Variants in ATP10A observed in about 807,000 individuals in gnomAD.
ATP10A encodes the protein ATPase phospholipid transporting 10A (putative).
A neutral mutation model predicts 147.8 loss-of-function variants in ATP10A; 111 were observed. That is an observed-to-expected ratio of 0.75 (90% confidence interval 0.64 to 0.88). The LOEUF (loss-of-function observed/expected upper bound fraction) is 0.88, where lower values mean the gene tolerates loss of function less well. ATP10A is among the 40% of genes least tolerant of loss of function. The pLI, the probability that ATP10A is intolerant of heterozygous loss-of-function variation, is 0.00. For missense variants in ATP10A, 1,927 were observed against 1,959.0 expected (o/e 0.98, Z 0.31); for synonymous variants, 875 against 841.6 (o/e 1.04, Z -0.69).
At chr15:25,732,992 T>A (rs938623124) in intron 3 of ATP10A, among the ~76,000 whole-genome samples, 1 of 152,116 alleles carries the variant, frequency 6.6e-6, no homozygotes, top group Non-Finnish European at 1.5e-5. Flanking sequence ...AGAATAACTT[T>A]CCTAAGGCCA....
intron 1 of ATP10A, among the ~76,000 whole-genome samples, chr15:25,844,775 T>G (rs566918261): frequency 7.2e-5 from 11 of 152,278 alleles, no homozygotes; most frequent in African/African-American, 2.6e-4. Flanking sequence ...GTGGACCCTG[T>G]GGCTTGCCGT....
chr15:25,757,717 A>G (rs1391027435), intron 2 of ATP10A, among the ~76,000 whole-genome samples: 1 of 152,238 alleles, frequency 6.6e-6, no homozygotes, highest in Admixed American at 6.5e-5. Flanking sequence ...ATTGTTAGAT[A>G]TGAGTTCTAA....
intron 1 of ATP10A, among the ~76,000 whole-genome samples, chr15:25,788,709 T>G (rs1243926425): frequency 6.6e-6 from 1 of 152,256 alleles, no homozygotes; most frequent in Non-Finnish European, 1.5e-5. Context: ...TTTGATTTTT[T>G]TATTAGAAAG....
chr15:25,774,605 AGT>A (rs1889515784), intron 2 of ATP10A, among the ~76,000 whole-genome samples: 1 of 151,498 alleles, frequency 6.6e-6, no homozygotes, highest in Non-Finnish European at 1.5e-5. Flanking sequence ...AAAAGATCAG[AGT>A]GCTGGTGCTG....
At position 25,691,778 on chromosome 15, in the gene ATP10A, A is replaced by T. The variant is rs778691538; in HGVS notation, c.3102T>A (p.Asn1034Lys). 1.2e-6 allele frequency: 2 copies of T among 1,614,166 alleles called. No individual in the cohort carries two copies. The highest frequency in any genetic ancestry group is 3.3e-5 in the Admixed American group (2 of 60,028). ...CTGCCACCTGGATCATGCTGACATCATTGGCTCCATCACCTAGAAACAGCA... is the reference window on the plus strand; with the variant it reads ...CTGCCACCTGGATCATGCTGACATCTTTGGCTCCATCACCTAGAAACAGCA... ...AMTLAIGDGA[N>K]DVSMIQVADV... The change falls in exon 15 of 21, where the codon AAT (asparagine) becomes AAA (lysine). Residue 1034 changes from asparagine to lysine, a missense_variant. Asn to Lys is a moderately conservative substitution (Grantham distance 94). Coordinates refer to ENST00000555815, the MANE Select transcript of ATP10A (RefSeq NM_024490.4).
chr15:25,776,398 T>C (rs1360386119), intron 2 of ATP10A, among the ~76,000 whole-genome samples: 1 of 152,218 alleles, frequency 6.6e-6, no homozygotes, highest in Non-Finnish European at 1.5e-5. Flanking sequence ...ATCTATAAAT[T>C]GGTGTGATAA....
At chr15:25,696,267 T>C (rs1596701673) in intron 13 of ATP10A, among the ~76,000 whole-genome samples, 1 of 152,232 alleles carries the variant, frequency 6.6e-6, no homozygotes, top group East Asian at 1.9e-4. Context: ...ACACAGTTAC[T>C]GCCGTAGGGG....
rs111256730 is a variant in ATP10A at position 25,786,221 on chromosome 15, G to A, written c.450-4998C>T. On this transcript the variant is annotated intron_variant, in intron 1 of 20. Transcript: ENST00000555815. ...GGCCAGGGCTGACCACACAGGGCCC[G>A]GAGGACACAGGGTTCCTGGGTGCCT... 7.9e-4 allele frequency among the ~76,000 whole-genome samples: 121 copies of A among 152,284 alleles called. 1 individual carries two copies. Among genetic ancestry groups the A allele is most frequent in the African/African-American group, 2.6e-3 (108 of 41,578 alleles).
intron 14 of ATP10A, among the ~76,000 whole-genome samples, chr15:25,693,019 G>A (rs189262618): frequency 6.8e-6 from 1 of 148,074 alleles, no homozygotes; most frequent in Admixed American, 6.7e-5. Context: ...TGCCCCAGCA[G>A]TTTTTTTTTT....
chr15:25,767,352 C>A (rs532801049), intron 2 of ATP10A, among the ~76,000 whole-genome samples: 1 of 152,162 alleles, frequency 6.6e-6, no homozygotes, highest in African/African-American at 2.4e-5. Context: ...ATGGAGGCTG[C>A]GCCACATCCC....
chr15:25,682,129 T>C (rs1210185259), intron 17 of ATP10A, among the ~76,000 whole-genome samples: 1 of 151,034 alleles, frequency 6.6e-6, no homozygotes, highest in Non-Finnish European at 1.5e-5. Context: ...AAGTAGGAAG[T>C]AGGAATAGCA....
At position 25,862,958 on chromosome 15, in the gene ATP10A, C is replaced by T. The variant is rs1034722375; in HGVS notation, c.139G>A (p.Gly47Ser). Residue 47 changes from glycine to serine, a missense_variant, in exon 1 of 21, where the codon GGC becomes AGC. Gly to Ser is a moderately conservative substitution (Grantham distance 56, BLOSUM62 0). Coordinates refer to ENST00000555815, the MANE Select transcript of ATP10A (RefSeq NM_024490.4). ...AEDPAAGAAK[G>S]ERRRRRGCAQ... is the part of the protein sequence containing the mutation. Reference sequence around the variant, plus strand: ...CACCCGCGCCGCCGTCGCCGCTCGCCCTTGGCCGCGCCAGCCGCAGGGTCC... The same window carrying T: ...CACCCGCGCCGCCGTCGCCGCTCGCTCTTGGCCGCGCCAGCCGCAGGGTCC... 1.3e-6 allele frequency: 2 copies of T among 1,545,526 alleles called. No homozygotes were observed. The highest frequency in any genetic ancestry group is 2.8e-5 in the African/African-American group (2 of 70,760).
At chr15:25,834,094 T>C (rs539804453) in intron 1 of ATP10A, among the ~76,000 whole-genome samples, 6 of 152,346 alleles carry the variant, frequency 3.9e-5, no homozygotes, top group African/African-American at 1.4e-4. Flanking sequence ...TTATTAACTA[T>C]TCATTACTCC....
At chr15:25,766,644 G>A (rs1478344975) in intron 2 of ATP10A, among the ~76,000 whole-genome samples, 3 of 151,798 alleles carry the variant, frequency 2.0e-5, no homozygotes, top group African/African-American at 7.3e-5. Flanking sequence ...AAAGGGCCAG[G>A]TGGTGCTTAC....
intron 2 of ATP10A, among the ~76,000 whole-genome samples, chr15:25,750,410 A>G (rs545077314): frequency 1.0e-3 from 155 of 152,248 alleles, no homozygotes; most frequent in Non-Finnish European, 8.5e-4. Context: ...AAGCTGAAAA[A>G]AAATTCCTCA....
chr15:25,685,691 A>G (rs1446505374), intron 16 of ATP10A, among the ~76,000 whole-genome samples: 1 of 152,056 alleles, frequency 6.6e-6, no homozygotes, highest in Non-Finnish European at 1.5e-5. Context: ...TTAGCTGGGC[A>G]TGGTGGCCTG....
At chr15:25,673,728 GAAC>G (rs1158059649), downstream of ATP10A, among the ~76,000 whole-genome samples, 5 of 129,462 alleles carry the variant, frequency 3.9e-5, no homozygotes, top group Non-Finnish European at 8.0e-5. Flanking sequence ...GAAGTCCTGA[GAAC>G]AACAAACTAT....
intron 2 of ATP10A, among the ~76,000 whole-genome samples, chr15:25,778,509 C>A (rs1486095108): frequency 6.8e-6 from 1 of 147,314 alleles, no homozygotes; most frequent in Non-Finnish European, 1.5e-5. Context: ...AAAAAAAAAC[C>A]CAGAAAGTCG....
intron 1 of ATP10A, among the ~76,000 whole-genome samples, chr15:25,804,255 A>G (rs1463293455): frequency 2.0e-5 from 3 of 148,630 alleles, no homozygotes; most frequent in Non-Finnish European, 4.5e-5. Flanking sequence ...GTCTATGTGC[A>G]TGGTGTGTGT....
Sources: gnomAD v4.1 joint callset for allele counts (sites outside exome capture counted in the v4.1 genomes callset) on GRCh38, gnomAD v4.1.1 for gene constraint, MANE v1.5 for transcripts, NCBI Gene and HGNC (gene_info 2026-07-23, HGNC 2026-07-21) for gene names.